OSBPL6: variants seen among roughly 807,000 people sequenced by gnomAD.
The protein encoded by OSBPL6 is oxysterol-binding protein-related protein 6.
In OSBPL6, 49 loss-of-function variants were observed where a neutral mutation model predicts 125.8. That is an observed-to-expected ratio of 0.39 (90% confidence interval 0.31 to 0.49). OSBPL6 has a LOEUF of 0.49. OSBPL6 is among the 20% of genes least tolerant of loss of function. The pLI is 0.88. For synonymous variants in OSBPL6, 394 were observed against 391.8 expected (o/e 1.01, Z -0.07); for missense variants, 986 against 1,135.4 (o/e 0.87, Z 1.89).
At chr2:178,217,553 A>G (rs537900827) in intron 1 of OSBPL6, among the ~76,000 whole-genome samples, 9 of 152,334 alleles carry the variant, frequency 5.9e-5, no homozygotes, top group Non-Finnish European at 1.2e-4. Context: ...CTCTATAGAG[A>G]AAGGGGTCTC....
At chr2:178,266,226 C>T (rs1162022201) in intron 1 of OSBPL6, among the ~76,000 whole-genome samples, 1 of 152,154 alleles carries the variant, frequency 6.6e-6, no homozygotes, top group South Asian at 2.1e-4. Context: ...GCAAGAAGAC[C>T]ACAGTGAGCC....
chr2:178,345,178 A>G (rs899630069), intron 11 of OSBPL6, among the ~76,000 whole-genome samples: 1 of 152,260 alleles, frequency 6.6e-6, no homozygotes, highest in African/African-American at 2.4e-5. Flanking sequence ...ATCTTAAAAT[A>G]TAGATTACTG....
chr2:178,254,553 T>TA (rs371559669), intron 1 of OSBPL6, among the ~76,000 whole-genome samples: 2 of 152,212 alleles, frequency 1.3e-5, no homozygotes, highest in African/African-American at 4.8e-5. Flanking sequence ...AAATGTATAC[T>TA]AAAAAATGAC....
chr2:178,197,862 A>G (rs168009), intron 1 of OSBPL6, among the ~76,000 whole-genome samples: 15,267 of 152,252 alleles, frequency 0.1, 2,246 homozygotes, highest in African/African-American at 0.32. Context: ...CAATAGAGTT[A>G]TCACAAGACA....
chr2:178,276,941 A>G (rs574893699), intron 1 of OSBPL6, among the ~76,000 whole-genome samples: 51 of 152,252 alleles, frequency 3.3e-4, no homozygotes, highest in African/African-American at 1.1e-3. Context: ...GGTGCCCACC[A>G]CTTTTTTATA....
chr2:178,284,795 T>G (rs7599683), intron 1 of OSBPL6, 132 bp from the exon 2 acceptor site: 1 of 368,542 alleles, frequency 2.7e-6, no homozygotes, highest in African/African-American at 2.1e-5. Flanking sequence ...AGCTGAGGCA[T>G]GTACCCATAT....
At chr2:178,246,908 C>T (rs185226588) in intron 1 of OSBPL6, among the ~76,000 whole-genome samples, 46 of 152,306 alleles carry the variant, frequency 3.0e-4, no homozygotes, top group Admixed American at 2.0e-4. Context: ...TCTTCACAAT[C>T]ACTAGCAGCT....
At chr2:178,201,153 A>T (rs2089239428) in intron 1 of OSBPL6, among the ~76,000 whole-genome samples, 1 of 152,210 alleles carries the variant, frequency 6.6e-6, no homozygotes, top group Non-Finnish European at 1.5e-5. Context: ...TTCATTTAGA[A>T]TTAAGATTAA....
chr2:178,267,089 C>T (rs530959395), intron 1 of OSBPL6, among the ~76,000 whole-genome samples: 3 of 152,254 alleles, frequency 2.0e-5, no homozygotes, highest in African/African-American at 7.2e-5. Context: ...CATGGTAGCT[C>T]ATGCCTGTAA....
At position 178,336,427 on chromosome 2, in the gene OSBPL6, G is replaced by C; in HGVS notation, c.784G>C (p.Ala262Pro). 1 of 1,613,912 alleles carries C rather than the reference G, an allele frequency of 6.2e-7. No homozygotes were observed. The highest frequency in any genetic ancestry group is 8.5e-7 in the Non-Finnish European group (1 of 1,179,932). The change falls in exon 9 of 25, where the codon GCA (alanine) becomes CCA (proline). Residue 262 changes from alanine to proline, a missense_variant. Around this residue, in one of 3 missense-constraint regions of OSBPL6, gnomAD observed 843 missense variants for 997.3 expected, o/e 0.85. Transcript: ENST00000190611. ...LQDSEEMDRC[A>P]EDLAHCQSNL... is the part of the protein sequence containing the mutation. Reference sequence around the variant, plus strand: ...GGACTCGGAAGAGATGGACAGGTGTGCAGAAGGTTAGTTCTTGCCCAGTGT... The same window carrying C: ...GGACTCGGAAGAGATGGACAGGTGTCCAGAAGGTTAGTTCTTGCCCAGTGT...
chr2:178,282,853 A>G (rs1210009041), intron 1 of OSBPL6, among the ~76,000 whole-genome samples: 2 of 152,040 alleles, frequency 1.3e-5, no homozygotes, highest in East Asian at 3.9e-4. Flanking sequence ...GGGTTTCACC[A>G]TGTTGGCCAA....
chr2:178,194,115 C>T (rs561394726), upstream of OSBPL6, among the ~76,000 whole-genome samples: 21 of 152,328 alleles, frequency 1.4e-4, no homozygotes, highest in Non-Finnish European at 2.2e-4. Flanking sequence ...CCGAGCGCGG[C>T]CGGCTCACCT....
chr2:178,194,388 G>T (rs889183716), upstream of OSBPL6: 1 of 152,006 alleles, frequency 6.6e-6, no homozygotes, highest in Non-Finnish European at 1.5e-5. Flanking sequence ...CCAGCCGGGC[G>T]GACGGGCGGG....
chr2:178,227,976 T>C (rs544670892), intron 1 of OSBPL6, among the ~76,000 whole-genome samples: 2 of 152,248 alleles, frequency 1.3e-5, no homozygotes, highest in Non-Finnish European at 2.9e-5. Context: ...GAATGTGTCT[T>C]ATATCAAATA....
At chr2:178,369,267 G>A (rs772105057) in intron 13 of OSBPL6, among the ~76,000 whole-genome samples, 11 of 152,152 alleles carry the variant, frequency 7.2e-5, no homozygotes, top group Non-Finnish European at 1.3e-4. Flanking sequence ...AGTAAACTTT[G>A]CATAGAATGT....
chr2:178,320,807 A>G (rs1255597082), intron 3 of OSBPL6, among the ~76,000 whole-genome samples: 1 of 152,222 alleles, frequency 6.6e-6, no homozygotes, highest in East Asian at 1.9e-4. Context: ...TTCCTGTTTT[A>G]AAACTTAGGC....
chr2:178,381,575 G>A (rs1694481144), intron 15 of OSBPL6, among the ~76,000 whole-genome samples: 1 of 151,722 alleles, frequency 6.6e-6, no homozygotes, highest in Admixed American at 6.6e-5. Flanking sequence ...GGATAGTCTC[G>A]ATCTCCTCAC....
At chr2:178,349,768 C>T (rs562139235) in intron 12 of OSBPL6, among the ~76,000 whole-genome samples, 2 of 152,280 alleles carry the variant, frequency 1.3e-5, no homozygotes, top group East Asian at 3.9e-4. Flanking sequence ...ATGTATTGGA[C>T]TTTACAATTT....
At chr2:178,228,181 A>G (rs1369088463) in intron 1 of OSBPL6, among the ~76,000 whole-genome samples, 2 of 152,238 alleles carry the variant, frequency 1.3e-5, no homozygotes, top group African/African-American at 4.8e-5. Context: ...TGCAAACAAA[A>G]TAGAAGGTAT....
Sources: gnomAD v4.1 joint callset for allele counts (sites outside exome capture counted in the v4.1 genomes callset) on GRCh38, gnomAD v4.1.1 for gene constraint, gnomAD v4.1.1 regional missense constraint, MANE v1.5 for transcripts, NCBI Gene and HGNC (gene_info 2026-07-23, HGNC 2026-07-21) for gene names.